The following ATP8B4 variants were observed in gnomAD, a reference collection of about 807,000 sequenced individuals.
ATP8B4 encodes ATPase phospholipid transporting 8B4 (putative).
A neutral mutation model predicts 145.6 loss-of-function variants in ATP8B4; 133 were observed. The observed-to-expected ratio is 0.91, with a 90% CI of 0.79 to 1.05. The LOEUF (loss-of-function observed/expected upper bound fraction) is 1.05, where lower values mean the gene tolerates loss of function less well. ATP8B4 is among the 50% of genes least tolerant of loss of function. The pLI, the probability that ATP8B4 is intolerant of heterozygous loss-of-function variation, is 0.00. For synonymous variants in ATP8B4, 507 were observed against 492.9 expected, an observed-to-expected ratio of 1.03 and a Z score of -0.38; for missense variants, 1,458 against 1,425.2, an observed-to-expected ratio of 1.02 and a Z score of -0.37.
chr15:50,156,319 A>G (rs72737034), intron 1 of ATP8B4, among the ~76,000 whole-genome samples: 13,857 of 151,504 alleles, frequency 0.091, 801 homozygotes, highest in Middle Eastern at 0.14. Context: ...TTTTATACAC[A>G]TTTATCTAGG....
chr15:49,869,561 A>T (rs1375720596), intron 25 of ATP8B4, among the ~76,000 whole-genome samples: 19 of 152,196 alleles, frequency 1.2e-4, no homozygotes, highest in Admixed American at 1.2e-3. Context: ...AGAAACCATT[A>T]TGTGGCAAAG....
chr15:50,147,420 C>CAAAA (rs11346792), intron 1 of ATP8B4, among the ~76,000 whole-genome samples: 1 of 122,804 alleles, frequency 8.1e-6, no homozygotes, highest in African/African-American at 3.3e-5. Context: ...ACACTGTCTC[C>CAAAA]AAAAAAAAAA....
At chr15:50,111,303 T>C (rs2056928912) in intron 1 of ATP8B4, among the ~76,000 whole-genome samples, 1 of 152,232 alleles carries the variant, frequency 6.6e-6, no homozygotes, top group Non-Finnish European at 1.5e-5. Flanking sequence ...ATAATTTGCT[T>C]TCCCACAGAA....
chr15:49,949,925 T>C (rs1248502803), intron 14 of ATP8B4, among the ~76,000 whole-genome samples: 5 of 152,192 alleles, frequency 3.3e-5, no homozygotes, highest in Admixed American at 3.3e-4. Context: ...AATCATGTGA[T>C]TTTTGTCTTT....
intron 2 of ATP8B4, among the ~76,000 whole-genome samples, chr15:50,087,814 A>G (rs2055320239): frequency 6.6e-6 from 1 of 152,134 alleles, no homozygotes; most frequent in Non-Finnish European, 1.5e-5. Flanking sequence ...CAAAGGAAAA[A>G]CTGAATTATC....
intron 25 of ATP8B4, among the ~76,000 whole-genome samples, chr15:49,867,071 C>A (rs766054671): frequency 4.1e-4 from 62 of 152,142 alleles, no homozygotes; most frequent in Non-Finnish European, 2.5e-4. Flanking sequence ...AGCATGGTCA[C>A]GAGCTCTTCT....
chr15:50,102,482 T>C (rs1391729350), intron 2 of ATP8B4, among the ~76,000 whole-genome samples: 3 of 152,050 alleles, frequency 2.0e-5, no homozygotes, highest in African/African-American at 7.2e-5. Flanking sequence ...ATCCATAAAC[T>C]GGAAAACCTA....
At chr15:49,965,290 G>A (rs1425164440) in intron 13 of ATP8B4, among the ~76,000 whole-genome samples, 1 of 152,146 alleles carries the variant, frequency 6.6e-6, no homozygotes, top group African/African-American at 2.4e-5. Context: ...TTTGTTCAGG[G>A]TCAAATCTTG....
chr15:49,975,619 C>A (rs546021497), intron 12 of ATP8B4, among the ~76,000 whole-genome samples: 9 of 152,170 alleles, frequency 5.9e-5, no homozygotes, highest in African/African-American at 2.2e-4. Context: ...ATACAAAGGG[C>A]AGAATATAAA....
chr15:50,110,103 G>T (rs949472446), intron 1 of ATP8B4, among the ~76,000 whole-genome samples: 217 of 152,004 alleles, frequency 1.4e-3, no homozygotes, highest in African/African-American at 5.2e-3. Flanking sequence ...TTTTCATTTT[G>T]TAGAAAATAT....
intron 20 of ATP8B4, among the ~76,000 whole-genome samples, chr15:49,915,388 T>G (rs2039638846): frequency 6.6e-6 from 1 of 152,096 alleles, no homozygotes; most frequent in South Asian, 2.1e-4. Flanking sequence ...AATTATAAAG[T>G]TCAACAGCAG....
Position 49,876,463 on chromosome 15 carries a change from G to A in ATP8B4, c.2842C>T (p.Leu948=). Residue 948 remains leucine (L), a synonymous_variant, in exon 25 of 28, where the codon CTG becomes TTG. Coordinates refer to ENST00000284509, the MANE Select transcript of ATP8B4 (RefSeq NM_024837.4). ...PQLYKPGQLN[L]LFNKRKFFIC... Reference sequence around the variant, plus strand: ...AAAAATTTACGCTTGTTAAAAAGCAGATTCAGCTGTCCTGGTTTGTAGAGC... The same window carrying A: ...AAAAATTTACGCTTGTTAAAAAGCAAATTCAGCTGTCCTGGTTTGTAGAGC... 1 of 1,614,130 alleles carries A rather than the reference G, an allele frequency of 6.2e-7. No individual in the cohort carries two copies. Among genetic ancestry groups the A allele is most frequent in the East Asian group, 2.2e-5 (1 of 44,866 alleles).
chr15:49,971,795 C>A (rs1468834896), intron 13 of ATP8B4, among the ~76,000 whole-genome samples: 1 of 152,178 alleles, frequency 6.6e-6, no homozygotes, highest in African/African-American at 2.4e-5. Flanking sequence ...GATTACAAAT[C>A]ATTCTACTGT....
At chr15:49,970,210 A>G (rs990601621) in intron 13 of ATP8B4, among the ~76,000 whole-genome samples, 2 of 152,178 alleles carry the variant, frequency 1.3e-5, no homozygotes, top group Non-Finnish European at 2.9e-5. Flanking sequence ...GAAAACCAGC[A>G]CAAGACAAGG....
chr15:50,118,758 C>A (rs186368024), intron 1 of ATP8B4, among the ~76,000 whole-genome samples: 3 of 152,162 alleles, frequency 2.0e-5, no homozygotes, highest in Admixed American at 6.5e-5. Context: ...GCACTGTATA[C>A]AAACCCCGTG....
intron 14 of ATP8B4, among the ~76,000 whole-genome samples, chr15:49,949,069 A>G (rs1204228754): frequency 6.6e-6 from 1 of 152,160 alleles, no homozygotes; most frequent in Non-Finnish European, 1.5e-5. Context: ...TGGTTATGGT[A>G]GCCTGGTAGT....
At position 50,139,043 on chromosome 15, in the gene ATP8B4, T is replaced by C. The variant is rs143080098; in HGVS notation, c.-42-32035A>G. Among the ~76,000 whole-genome samples, 46 of 152,274 alleles carry C rather than the reference T, an allele frequency of 3.0e-4. No individual in the cohort carries two copies. In the East Asian group the frequency reaches 6.4e-3, roughly 21 times the overall value. On this transcript the variant is annotated intron_variant, in intron 1 of 3. Transcript: ENST00000558829. The stretch of plus-strand genomic sequence containing the variant: ...AGACAGTGTGGCGATTCCTGAAGGA[T>C]CTAGAACCAGAAATAACATTTGACC...
At chr15:49,900,639 T>C (rs1336524496) in intron 21 of ATP8B4, among the ~76,000 whole-genome samples, 2 of 152,208 alleles carry the variant, frequency 1.3e-5, no homozygotes, top group East Asian at 3.8e-4. Flanking sequence ...GAAAAACCAC[T>C]AGAGGTATCT....
chr15:49,916,130 C>T (rs1202782855), intron 20 of ATP8B4, among the ~76,000 whole-genome samples: 1 of 151,720 alleles, frequency 6.6e-6, no homozygotes, highest in Non-Finnish European at 1.5e-5. Context: ...AGCAAGCAAG[C>T]AAAAATTGTT....
Sources: gnomAD v4.1 joint callset for allele counts (sites outside exome capture counted in the v4.1 genomes callset) on GRCh38, gnomAD v4.1.1 for gene constraint, MANE v1.5 for transcripts, NCBI Gene and HGNC (gene_info 2026-07-23, HGNC 2026-07-21) for gene names.